Variants in UNC13C observed in about 807,000 individuals in gnomAD.
The protein encoded by UNC13C is protein unc-13 homolog C.
Under a neutral mutation model 245.4 loss-of-function variants are expected in UNC13C, and 174 were observed. The observed-to-expected ratio is 0.71, with a 90% CI of 0.63 to 0.80. The LOEUF (loss-of-function observed/expected upper bound fraction) is 0.80, where lower values mean the gene tolerates loss of function less well. UNC13C is among the 30% of genes least tolerant of loss of function. The probability of loss-of-function intolerance (pLI) is 0.00; values close to 1 mark genes in which losing one functional copy is unlikely to be tolerated. For synonymous variants in UNC13C, 992 were observed against 895.1 expected, an observed-to-expected ratio of 1.11 and a Z score of -1.93; for missense variants, 2,829 against 2,602.9, an observed-to-expected ratio of 1.09 and a Z score of -1.89.
At chr15:54,316,833 C>T (rs1046770496) in intron 13 of UNC13C, among the ~76,000 whole-genome samples, 2 of 151,946 alleles carry the variant, frequency 1.3e-5, no homozygotes, top group East Asian at 1.9e-4. Flanking sequence ...CAAGCCTGCT[C>T]CTCCATCCTA....
At chr15:54,293,316 G>C (rs1349907964) in intron 10 of UNC13C, among the ~76,000 whole-genome samples, 1 of 152,006 alleles carries the variant, frequency 6.6e-6, no homozygotes, top group Non-Finnish European at 1.5e-5. Flanking sequence ...CTCAACAAAA[G>C]AGGGTGAAGA....
At chr15:54,009,797 G>A (rs137998181) in intron 1 of UNC13C, among the ~76,000 whole-genome samples, 12 of 152,156 alleles carry the variant, frequency 7.9e-5, no homozygotes, top group African/African-American at 2.9e-4. Flanking sequence ...TGCTGCCTTG[G>A]CCTCCCAAGG....
intron 17 of UNC13C, among the ~76,000 whole-genome samples, chr15:54,346,566 AT>A (rs1477437017): frequency 1.2e-4 from 18 of 152,222 alleles, no homozygotes; most frequent in African/African-American, 3.9e-4. Flanking sequence ...CTCCAGAGGG[AT>A]TTTGAAGAAC....
At chr15:53,843,698 C>G in the UNC13C span, among the ~76,000 whole-genome samples, 1 of 151,970 alleles carries the variant, frequency 6.6e-6, no homozygotes, top group Non-Finnish European at 1.5e-5. Context: ...AGAACAAAGT[C>G]AAAGGAGTAA....
At chr15:53,972,777 A>G in the UNC13C span, 1 of 152,102 alleles carries the variant, frequency 6.6e-6, no homozygotes. Flanking sequence ...TCACATTTGT[A>G]CTCTAGCCTT....
intron 19 of UNC13C, among the ~76,000 whole-genome samples, chr15:54,479,492 A>C (rs1454924522): frequency 6.6e-6 from 1 of 152,098 alleles, no homozygotes; most frequent in Non-Finnish European, 1.5e-5. Context: ...TCTTTTAGGC[A>C]GCATACAGTC....
chr15:54,596,411 T>A (rs1436218319), intron 30 of UNC13C, among the ~76,000 whole-genome samples: 1 of 152,186 alleles, frequency 6.6e-6, no homozygotes, highest in Non-Finnish European at 1.5e-5. Flanking sequence ...GGAATTGGAA[T>A]ATAAAGAGTA....
At chr15:54,385,298 G>C (rs1435763429) in intron 17 of UNC13C, among the ~76,000 whole-genome samples, 1 of 152,050 alleles carries the variant, frequency 6.6e-6, no homozygotes, top group Non-Finnish European at 1.5e-5. Flanking sequence ...CAACCTAAGT[G>C]TTCATCAAGG....
intron 4 of UNC13C, among the ~76,000 whole-genome samples, chr15:54,167,362 C>T (rs576824472): frequency 1.3e-5 from 2 of 151,176 alleles, no homozygotes; most frequent in Non-Finnish European, 3.0e-5. Context: ...ATTAGCCGGG[C>T]GTGATGGTGG....
chr15:53,920,726 G>T, the UNC13C span, among the ~76,000 whole-genome samples: 106 of 151,730 alleles, frequency 7.0e-4, no homozygotes, highest in Non-Finnish European at 1.4e-3. Context: ...CTCCATAAGA[G>T]AACCATTTAT....
At chr15:54,140,784 T>G (rs2031981446) in intron 2 of UNC13C, among the ~76,000 whole-genome samples, 1 of 152,076 alleles carries the variant, frequency 6.6e-6, no homozygotes, top group Admixed American at 6.6e-5. Context: ...CACATGGATT[T>G]TATGTTCTTT....
chr15:54,169,064 A>G, intron 4 of UNC13C, among the ~76,000 whole-genome samples: 1 of 152,214 alleles, frequency 6.6e-6, no homozygotes, highest in Non-Finnish European at 1.5e-5. Context: ...TGGATAGGCT[A>G]AATGGCAAGG....
intron 2 of UNC13C, among the ~76,000 whole-genome samples, chr15:54,129,068 T>C (rs536450615): frequency 1.2e-4 from 18 of 152,346 alleles, no homozygotes; most frequent in African/African-American, 4.3e-4. Context: ...TAATCTACCG[T>C]CTTCTCTCCA....
intron 19 of UNC13C, among the ~76,000 whole-genome samples, chr15:54,446,068 G>A (rs571184308): frequency 6.6e-6 from 1 of 152,072 alleles, no homozygotes; most frequent in Non-Finnish European, 1.5e-5. Flanking sequence ...CCAATTTCTT[G>A]TTTTTGTCAG....
At chr15:54,363,339 C>T (rs1180175039) in intron 17 of UNC13C, among the ~76,000 whole-genome samples, 1 of 152,148 alleles carries the variant, frequency 6.6e-6, no homozygotes, top group Non-Finnish European at 1.5e-5. Flanking sequence ...GAACTCCTGA[C>T]CTCAGGTGAT....
At chr15:54,481,619 CA>C (rs1288673100) in intron 19 of UNC13C, among the ~76,000 whole-genome samples, 3 of 152,066 alleles carry the variant, frequency 2.0e-5, no homozygotes, top group African/African-American at 7.2e-5. Context: ...CTCAAAATAG[CA>C]GAATGCTGCA....
intron 2 of UNC13C, among the ~76,000 whole-genome samples, chr15:54,107,140 C>T (rs11071042): frequency 0.98 from 149,088 of 152,264 alleles, 73,084 homozygotes; most frequent in Middle Eastern, 1. Context: ...AAGAAAATTG[C>T]GACTAATATT....
intron 30 of UNC13C, among the ~76,000 whole-genome samples, chr15:54,608,574 C>G (rs370982093): frequency 6.6e-6 from 1 of 152,144 alleles, no homozygotes; most frequent in Admixed American, 6.5e-5. Context: ...AGCAAAGTGG[C>G]AGGTTTAATG....
downstream of UNC13C, chr15:54,630,152 C>T (rs1901425109): frequency 6.6e-6 from 1 of 152,188 alleles, no homozygotes; most frequent in Non-Finnish European, 1.5e-5. Context: ...GGATAAACCT[C>T]ACATTACAGG....
Sources: gnomAD v4.1 joint callset for allele counts (sites outside exome capture counted in the v4.1 genomes callset) on GRCh38, gnomAD v4.1.1 for gene constraint, MANE v1.5 for transcripts, NCBI Gene and HGNC (gene_info 2026-07-23, HGNC 2026-07-21) for gene names.